Variants in CBL observed in about 807,000 individuals in gnomAD.
CBL encodes Cbl proto-oncogene.
Under a neutral mutation model 96.9 loss-of-function variants are expected in CBL, and 45 were observed. The observed-to-expected ratio is 0.46, with a 90% confidence interval of 0.37 to 0.60. The LOEUF is 0.60. Ranked by LOEUF, CBL falls within the 20% of genes least tolerant of loss-of-function variation. CBL has a pLI of 0.00. For missense variants in CBL, 1,024 were observed against 1,143.5 expected (o/e 0.90, Z 1.51); for synonymous variants, 420 against 426.8 (o/e 0.98, Z 0.20).
intron 11 of CBL, among the ~76,000 whole-genome samples, chr11:119,286,438 G>C (rs1387866721): frequency 2.0e-5 from 3 of 152,136 alleles, no homozygotes; most frequent in African/African-American, 2.4e-5. Context: ...TCCCAGATAG[G>C]GCAATCATGA....
chr11:119,283,249 T>C (rs548882268), intron 9 of CBL, among the ~76,000 whole-genome samples: 2 of 152,370 alleles, frequency 1.3e-5, no homozygotes, highest in African/African-American at 4.8e-5. Flanking sequence ...ACTTTTGTCA[T>C]TGAGCTGTTT....
At chr11:119,243,592 A>G (rs904294260) in intron 2 of CBL, among the ~76,000 whole-genome samples, 1 of 151,890 alleles carries the variant, frequency 6.6e-6, no homozygotes, top group East Asian at 1.9e-4. Flanking sequence ...TGTATGTTTA[A>G]TAATATTCCA....
rs931805109 is a variant in CBL, at chr11:119,304,986, C to A, written c.*5205C>A. On this transcript the variant is annotated 3_prime_UTR_variant, in exon 16 of 16. Coordinates refer to ENST00000264033, the MANE Select transcript of CBL (RefSeq NM_005188.4). ...CAGCACATTGATCAAGTATCTATCT[C>A]TGAGCAGTTGGCCTTGCCAGGGAGA... The A allele has an allele frequency of 5.3e-5, 11 of 208,654 alleles. No homozygotes were observed. The highest frequency in any genetic ancestry group is 7.2e-5 in the East Asian group (1 of 13,982). The allele number at this position is 208,654 out of a possible 1,614,324, so 12.9% of individuals were successfully genotyped here.
chr11:119,210,931 T>G (rs982027304), intron 1 of CBL, among the ~76,000 whole-genome samples: 5 of 152,182 alleles, frequency 3.3e-5, no homozygotes, highest in African/African-American at 1.2e-4. Context: ...ACCGTGTACA[T>G]ATACTATGTT....
chr11:119,223,667 G>A (rs1949429818), intron 1 of CBL, among the ~76,000 whole-genome samples: 1 of 149,402 alleles, frequency 6.7e-6, no homozygotes, highest in Non-Finnish European at 1.5e-5. Context: ...TCTCTCTGTT[G>A]CCAGGCTGGA....
Position 119,285,959 on chromosome 11 carries a change from A to G in CBL, c.1941+393A>G, listed in dbSNP as rs1480661582. ...GAAGTTTATGGGTTGAAATTTTGTG[A>G]TAAGTTTTATATGGAATTCAGAGAT... On this transcript the variant is annotated intron_variant, in intron 11 of 15. Transcript: ENST00000264033. Among the ~76,000 whole-genome samples, 4 of 151,802 alleles carry G rather than the reference A, an allele frequency of 2.6e-5. No homozygotes were observed. The East Asian group carries it at 5.8e-4, about 22-fold the overall frequency.
rs574232824 is a variant in CBL at position 119,264,200 on chromosome 11, A to C, written c.444-7535A>C. 3.9e-5 allele frequency among the ~76,000 whole-genome samples: 6 copies of C among 152,218 alleles called. No homozygotes were observed. The South Asian group carries it at 8.3e-4, about 21-fold the overall frequency. On this transcript the variant is annotated intron_variant, in intron 2 of 15. Transcript: ENST00000264033. ...TATTGTTAAAATACACTTACCTGTA[A>C]ATTATTGGGGGTTTTCTTCAGTGGA...
At position 119,232,502 on chromosome 11, in the gene CBL, A is replaced by G. The variant is rs1379287344; in HGVS notation, c.250A>G (p.Ile84Val). Residue 84 changes from isoleucine to valine, a missense_variant, in exon 2 of 16, where the codon ATC becomes GTC. Transcript: ENST00000264033. ...GGCGCTAAAGAATAGCCCACCTTAT[A>G]TCTTAGACCTGCTACCAGATACCTA... ...KLALKNSPPY[I>V]LDLLPDTYQH... is the part of the protein sequence containing the mutation. 7 of 1,614,064 alleles carry G rather than the reference A, an allele frequency of 4.3e-6. No homozygotes were observed. Among genetic ancestry groups the G allele is most frequent in the Non-Finnish European group, 5.1e-6 (6 of 1,179,958 alleles).
chr11:119,252,504 A>C (rs1949676414), intron 2 of CBL, among the ~76,000 whole-genome samples: 1 of 152,164 alleles, frequency 6.6e-6, no homozygotes, highest in South Asian at 2.1e-4. Flanking sequence ...TATTGACATC[A>C]ACCATTGTGC....
At chr11:119,235,287 G>T (rs1247729157) in intron 2 of CBL, among the ~76,000 whole-genome samples, 1 of 151,756 alleles carries the variant, frequency 6.6e-6, no homozygotes, top group Non-Finnish European at 1.5e-5. Context: ...TGATTTTTTT[G>T]TATTTTTAGT....
At chr11:119,242,696 G>A (rs11217208) in intron 2 of CBL, among the ~76,000 whole-genome samples, 4,078 of 147,568 alleles carry the variant, frequency 0.028, 219 homozygotes, top group African/African-American at 0.096. Flanking sequence ...GATCACTTGA[G>A]CCGCTGCACT....
At chr11:119,291,664 T>G (rs1950027506) in intron 12 of CBL, among the ~76,000 whole-genome samples, 1 of 152,208 alleles carries the variant, frequency 6.6e-6, no homozygotes, top group South Asian at 2.1e-4. Context: ...GCCATGATTG[T>G]GCCACTGCAC....
At chr11:119,283,929 G>T (rs11821826) in intron 9 of CBL, among the ~76,000 whole-genome samples, 2,451 of 152,040 alleles carry the variant, frequency 0.016, 61 homozygotes, top group African/African-American at 0.055. Flanking sequence ...GAGCCACCAC[G>T]CCTGGCCTTA....
At chr11:119,214,105 C>T (rs1400264534) in intron 1 of CBL, among the ~76,000 whole-genome samples, 8 of 151,790 alleles carry the variant, frequency 5.3e-5, no homozygotes, top group Non-Finnish European at 8.8e-5. Flanking sequence ...CTACCACAGC[C>T]GGCTAATTTT....
chr11:119,238,079 T>G (rs1949558562), intron 2 of CBL, among the ~76,000 whole-genome samples: 1 of 150,176 alleles, frequency 6.7e-6, no homozygotes, highest in Admixed American at 6.7e-5. Context: ...ACCATGTTGG[T>G]CAGGCTGGTC....
chr11:119,222,193 C>T (rs939729630), intron 1 of CBL, among the ~76,000 whole-genome samples: 5 of 152,136 alleles, frequency 3.3e-5, no homozygotes, highest in Non-Finnish European at 4.4e-5. Context: ...TTTAGTCTTA[C>T]ATGTGTATGG....
At chr11:119,230,567 T>C (rs1416106247) in intron 1 of CBL, among the ~76,000 whole-genome samples, 1 of 152,240 alleles carries the variant, frequency 6.6e-6, no homozygotes, top group Non-Finnish European at 1.5e-5. Context: ...AGACATAGAA[T>C]TGTTATCAAG....
rs1950093316 is a variant in CBL, at chr11:119,300,388, G to A, written c.*607G>A. Reference sequence around the variant, plus strand: ...TCTATTTTTAGAACACCTTCTGTCTGTTCTTTCCCCATCAACTCCTTCCTC... The same window carrying A: ...TCTATTTTTAGAACACCTTCTGTCTATTCTTTCCCCATCAACTCCTTCCTC... On this transcript the variant is annotated 3_prime_UTR_variant, in exon 16 of 16. Transcript: ENST00000264033. 1 of 406,298 alleles carries A rather than the reference G, an allele frequency of 2.5e-6. No individual in the cohort carries two copies. Among genetic ancestry groups the A allele is most frequent in the Non-Finnish European group, 4.3e-6 (1 of 230,072 alleles). 25.2% of individuals were successfully genotyped at this position (406,298 alleles called of 1,614,324 possible). A position where few individuals can be genotyped will look rare whatever the true frequency, so the allele number is the denominator to read the frequency against.
intron 1 of CBL, among the ~76,000 whole-genome samples, chr11:119,230,302 G>A (rs533555380): frequency 2.0e-5 from 3 of 151,986 alleles, no homozygotes; most frequent in Non-Finnish European, 2.9e-5. Flanking sequence ...ACAGGCGCCC[G>A]CCACCACGCC....
Sources: gnomAD v4.1 joint callset for allele counts (sites outside exome capture counted in the v4.1 genomes callset) on GRCh38, gnomAD v4.1.1 for gene constraint, MANE v1.5 for transcripts, NCBI Gene and HGNC (gene_info 2026-07-23, HGNC 2026-07-21) for gene names.